The following UNC79 variants were observed in gnomAD, a reference collection of about 807,000 sequenced individuals.
UNC79 encodes unc-79 subunit of NALCN channel complex, also known as protein unc-79 homolog.
Under a neutral mutation model 283.1 loss-of-function variants are expected in UNC79, and 37 were observed. The observed-to-expected ratio is 0.13, with a 90% CI of 0.10 to 0.17. The LOEUF (loss-of-function observed/expected upper bound fraction) is 0.17. UNC79 is among the 10% of genes least tolerant of loss of function. UNC79 has a pLI of 1.00. For synonymous variants in UNC79, 1,107 were observed against 1,200.2 expected (o/e 0.92, Z 1.61); for missense variants, 2,272 against 3,211.1 (o/e 0.71, Z 7.07).
chr14:93,626,169 C>T (rs983507482), intron 30 of UNC79, among the ~76,000 whole-genome samples: 3 of 152,204 alleles, frequency 2.0e-5, no homozygotes, highest in Admixed American at 6.5e-5. Flanking sequence ...TTCACATTTC[C>T]AGTCTCCTAA....
chr14:93,364,845 C>G (rs2054297214), intron 1 of UNC79, among the ~76,000 whole-genome samples: 1 of 151,956 alleles, frequency 6.6e-6, no homozygotes, highest in South Asian at 2.1e-4. Context: ...GCTTTTACAA[C>G]TATAATAGGT....
intron 14 of UNC79, among the ~76,000 whole-genome samples, chr14:93,545,664 A>T (rs2061561974): frequency 6.6e-6 from 1 of 152,206 alleles, no homozygotes; most frequent in Non-Finnish European, 1.5e-5. Flanking sequence ...GTTTAGTCAT[A>T]TCAGATTCCA....
intron 16 of UNC79, among the ~76,000 whole-genome samples, chr14:93,573,472 G>A (rs1566679941): frequency 6.6e-6 from 1 of 152,124 alleles, no homozygotes; most frequent in African/African-American, 2.4e-5. Flanking sequence ...GCACACGCTT[G>A]TATTTAAAAG....
At chr14:93,574,846 T>C (rs1243159982) in intron 16 of UNC79, among the ~76,000 whole-genome samples, 1 of 151,822 alleles carries the variant, frequency 6.6e-6, no homozygotes, top group Non-Finnish European at 1.5e-5. Flanking sequence ...GGTGACCTAT[T>C]GGATGCTGGG....
At chr14:93,455,814 G>A (rs1045754640) in intron 1 of UNC79, among the ~76,000 whole-genome samples, 1 of 151,860 alleles carries the variant, frequency 6.6e-6, no homozygotes, top group African/African-American at 2.4e-5. Context: ...CTTTATCCAC[G>A]TTCTCATAGT....
chr14:93,561,993 C>G lies in UNC79; in HGVS notation c.1756-9901C>G, dbSNP rs113612770. Among the ~76,000 whole-genome samples the G allele has an allele frequency of 6.7e-3, 1,024 of 152,118 alleles. 11 individuals carry two copies. The highest frequency in any genetic ancestry group is 0.023 in the African/African-American group (959 of 41,476). The stretch of plus-strand genomic sequence containing the variant: ...AAAAAGTAGGGTAAGGACGAATAGA[C>G]CTAATAGAATGAAGGGATGTATTAG... On this transcript the variant is annotated intron_variant, in intron 14 of 48. Transcript: ENST00000555664.
chr14:93,657,233 G>A (rs2071041840), intron 38 of UNC79, among the ~76,000 whole-genome samples: 1 of 152,124 alleles, frequency 6.6e-6, no homozygotes, highest in Non-Finnish European at 1.5e-5. Flanking sequence ...TCAACACACA[G>A]GAAACTGAGT....
intron 2 of UNC79, among the ~76,000 whole-genome samples, chr14:93,473,542 A>G (rs536407970): frequency 3.9e-5 from 6 of 152,306 alleles, no homozygotes; most frequent in South Asian, 2.1e-4. Context: ...ACATATAGAC[A>G]TTATTTTGAT....
chr14:93,533,819 A>G (rs1037833942), intron 11 of UNC79, among the ~76,000 whole-genome samples: 29 of 152,342 alleles, frequency 1.9e-4, no homozygotes, highest in African/African-American at 6.7e-4. Flanking sequence ...ATCTACCACA[A>G]TCTGTCCTTT....
At position 93,629,925 on chromosome 14, in the gene UNC79, TG is replaced by T. The variant is rs374733311; in HGVS notation, c.5609-874del. Among the ~76,000 whole-genome samples the T allele has an allele frequency of 8.5e-5, 13 of 152,296 alleles. 1 individual carries two copies. In the South Asian group the frequency reaches 2.5e-3, roughly 29 times the overall value. On this transcript the variant is annotated intron_variant, in intron 30 of 48. Transcript: ENST00000555664. Reference sequence around the variant, plus strand: ...ATTCACTGCATGGTGCTGCCTAAGATGGCAACAAGGTTTGGAAAGAAGCCAG... The same window carrying T: ...ATTCACTGCATGGTGCTGCCTAAGATGCAACAAGGTTTGGAAAGAAGCCAG...
intron 44 of UNC79, chr14:93,689,235 A>G (rs1295308759): frequency 2.2e-5 from 4 of 179,414 alleles, no homozygotes; most frequent in Non-Finnish European, 4.6e-5. Context: ...GCAAGATTGT[A>G]CAAGCCCCTG....
chr14:93,578,553 C>G (rs77146760), intron 18 of UNC79, among the ~76,000 whole-genome samples: 2,676 of 152,200 alleles, frequency 0.018, 81 homozygotes, highest in African/African-American at 0.061. Flanking sequence ...ATACTCCTCC[C>G]CACAATTCTC....
intron 1 of UNC79, among the ~76,000 whole-genome samples, chr14:93,446,680 C>G (rs965569171): frequency 2.0e-5 from 3 of 152,160 alleles, no homozygotes; most frequent in African/African-American, 7.2e-5. Context: ...AGGTGTGAGC[C>G]ACCGTGCCCA....
intron 14 of UNC79, among the ~76,000 whole-genome samples, chr14:93,546,979 T>A (rs1415891279): frequency 6.6e-6 from 1 of 152,194 alleles, no homozygotes; most frequent in Admixed American, 6.5e-5. Flanking sequence ...CAGAGAAACA[T>A]CAGATAACAA....
At chr14:93,373,052 C>T (rs967683640) in intron 1 of UNC79, among the ~76,000 whole-genome samples, 2 of 152,136 alleles carry the variant, frequency 1.3e-5, no homozygotes, top group African/African-American at 2.4e-5. Context: ...GGAAACAACA[C>T]ACTTCTAAAT....
intron 1 of UNC79, among the ~76,000 whole-genome samples, chr14:93,378,903 A>G (rs2054612616): frequency 6.6e-6 from 1 of 152,226 alleles, no homozygotes; most frequent in Non-Finnish European, 1.5e-5. Flanking sequence ...AGCACTATAT[A>G]ACAAACAATA....
At chr14:93,583,564 C>T (rs988107159) in intron 20 of UNC79, among the ~76,000 whole-genome samples, 2 of 152,160 alleles carry the variant, frequency 1.3e-5, no homozygotes, top group Non-Finnish European at 2.9e-5. Flanking sequence ...ATGAATATCT[C>T]AGCTCACACT....
At position 93,622,938 on chromosome 14, in the gene UNC79, C is replaced by T. The variant is rs1349417256; in HGVS notation, c.5608+97C>T. 1.2e-5 allele frequency: 18 copies of T among 1,457,364 alleles called. No homozygotes were observed. The East Asian group carries it at 3.4e-4, about 28-fold the overall frequency. 90.3% of individuals were successfully genotyped at this position (1,457,364 alleles called of 1,614,324 possible). A position where few individuals can be genotyped will look rare whatever the true frequency, so the allele number is the denominator to read the frequency against. On this transcript the variant is annotated intron_variant, in intron 30 of 48. Transcript: ENST00000555664. ...ACTGAATATGCATCAGACTCAAACT[C>T]TTATAATGTCAGGGTGTGACATTAT... is the stretch of plus-strand genomic sequence containing the variant.
chr14:93,601,896 A>G lies in UNC79; in HGVS notation c.3574+1126A>G, dbSNP rs572343687. ...TCATATGTTTGTTGGCCGTTTGTATATCTTCTTTTGAGAATTTTCTATTCA... is the reference window on the plus strand; with the variant it reads ...TCATATGTTTGTTGGCCGTTTGTATGTCTTCTTTTGAGAATTTTCTATTCA... On this transcript the variant is annotated intron_variant, in intron 25 of 48. Coordinates refer to ENST00000555664, the Ensembl canonical transcript of UNC79. 2.6e-5 allele frequency among the ~76,000 whole-genome samples: 4 copies of G among 152,160 alleles called. No homozygotes were observed. In the East Asian group the frequency reaches 7.7e-4, roughly 29 times the overall value.
Sources: gnomAD v4.1 joint callset for allele counts (sites outside exome capture counted in the v4.1 genomes callset) on GRCh38, gnomAD v4.1.1 for gene constraint, MANE v1.5 for transcripts, NCBI Gene and HGNC (gene_info 2026-07-23, HGNC 2026-07-21) for gene names.